Variants in MAGI1 observed in about 807,000 individuals in gnomAD.
MAGI1 encodes membrane associated guanylate kinase, WW and PDZ domain containing 1, also known as membrane-associated guanylate kinase, WW and PDZ domain-containing protein 1.
Under a neutral mutation model 139.9 loss-of-function variants are expected in MAGI1, and 58 were observed. That is an observed-to-expected ratio of 0.41 (90% confidence interval 0.34 to 0.52). The LOEUF (loss-of-function observed/expected upper bound fraction) is 0.52, where lower values mean the gene tolerates loss of function less well. Among genes scored for constraint, MAGI1 ranks in the 20% least tolerant of loss-of-function variants. The probability of loss-of-function intolerance (pLI) is 0.12; values close to 1 mark genes in which losing one functional copy is unlikely to be tolerated. For missense variants in MAGI1, 1,874 were observed against 1,901.6 expected, an observed-to-expected ratio of 0.99 and a Z score of 0.27; for synonymous variants, 812 against 737.9, an observed-to-expected ratio of 1.10 and a Z score of -1.63.
chr3:65,658,045 T>C (rs945491842), intron 1 of MAGI1, among the ~76,000 whole-genome samples: 3 of 152,192 alleles, frequency 2.0e-5, no homozygotes, highest in African/African-American at 7.2e-5. Context: ...AGGTTTAATG[T>C]TAATTTAATA....
chr3:65,925,251 A>G (rs1439948420), intron 1 of MAGI1: 2 of 152,216 alleles, frequency 1.3e-5, no homozygotes. Flanking sequence ...TTGTCCTTGA[A>G]ATTTCCTTTG....
At chr3:65,723,009 C>T (rs1445541136) in intron 1 of MAGI1, among the ~76,000 whole-genome samples, 4 of 151,648 alleles carry the variant, frequency 2.6e-5, no homozygotes, top group Admixed American at 2.6e-4. Flanking sequence ...ATTTGGAGCT[C>T]AAAGATCACT....
In MAGI1 at chr3:65,437,260, AAAG is replaced by A; in HGVS notation, c.1271-16_1271-14del. The A allele has an allele frequency of 6.4e-7, 1 of 1,565,844 alleles. No homozygotes were observed. The highest frequency in any genetic ancestry group is 1.1e-5 in the South Asian group (1 of 88,734). On this transcript the variant is annotated splice_polypyrimidine_tract_variant and intron_variant, in intron 9 of 22. Transcript: ENST00000402939. Reference sequence around the variant, plus strand: ...TCTTCTGTCCATTCTATGAAAAAGAAAAGAAAGTTTCCTATTTTTCCTTCAAAT... The same window carrying A: ...TCTTCTGTCCATTCTATGAAAAAGAAAAAGTTTCCTATTTTTCCTTCAAAT...
At chr3:65,465,339 GTT>G (rs935818788) in intron 5 of MAGI1, among the ~76,000 whole-genome samples, 1 of 142,150 alleles carries the variant, frequency 7.0e-6, no homozygotes. Flanking sequence ...TTTGTTGGTT[GTT>G]TTTTTTTTTA....
chr3:65,757,341 A>C (rs1292297089), intron 1 of MAGI1, among the ~76,000 whole-genome samples: 1 of 152,222 alleles, frequency 6.6e-6, no homozygotes, highest in Non-Finnish European at 1.5e-5. Context: ...TTTTTCAAAA[A>C]TGTACCATAA....
At chr3:65,641,490 C>T (rs922599368) in intron 1 of MAGI1, among the ~76,000 whole-genome samples, 8 of 152,298 alleles carry the variant, frequency 5.3e-5, no homozygotes, top group African/African-American at 1.9e-4. Context: ...TAGCCTACTT[C>T]TCAGACTGTG....
chr3:65,989,547 A>G (rs534946775), intron 1 of MAGI1, among the ~76,000 whole-genome samples: 14 of 152,240 alleles, frequency 9.2e-5, no homozygotes, highest in Non-Finnish European at 1.9e-4. Flanking sequence ...TTATTTATTT[A>G]TCTATTTTGA....
intron 1 of MAGI1, among the ~76,000 whole-genome samples, chr3:65,962,163 C>T (rs1431520710): frequency 6.7e-6 from 1 of 149,578 alleles, no homozygotes; most frequent in Non-Finnish European, 1.5e-5. Context: ...CTCTCTGTCG[C>T]CCAGGCTGGA....
At chr3:65,895,652 T>C (rs922627527) in intron 1 of MAGI1, among the ~76,000 whole-genome samples, 5 of 152,256 alleles carry the variant, frequency 3.3e-5, no homozygotes, top group Non-Finnish European at 7.3e-5. Flanking sequence ...TATAGTTTCA[T>C]GTGCCAAGTG....
intron 12 of MAGI1, among the ~76,000 whole-genome samples, chr3:65,407,573 T>C (rs1455213220): frequency 6.6e-6 from 1 of 151,456 alleles, no homozygotes; most frequent in Admixed American, 6.6e-5. Flanking sequence ...GAATATTCAG[T>C]GATTGGGGGA....
At chr3:65,549,514 G>T in intron 2 of MAGI1, 5 of 984,198 alleles carry the variant, frequency 5.1e-6, no homozygotes, top group Non-Finnish European at 6.0e-6. Context: ...CGGCCCGGCG[G>T]CAGCTGCTCC....
At chr3:65,426,344 A>C (rs979708337) in intron 12 of MAGI1, among the ~76,000 whole-genome samples, 1 of 152,224 alleles carries the variant, frequency 6.6e-6, no homozygotes, top group South Asian at 2.1e-4. Flanking sequence ...ACTAAAAATG[A>C]AATGTATTAG....
intron 22 of MAGI1, chr3:65,359,012 G>C: frequency 6.7e-7 from 1 of 1,493,232 alleles, no homozygotes; most frequent in Non-Finnish European, 9.3e-7. Context: ...CAGAAGCAAT[G>C]AGGAAATTAG....
At chr3:65,640,353 C>T (rs537469630) in intron 1 of MAGI1, among the ~76,000 whole-genome samples, 2 of 152,238 alleles carry the variant, frequency 1.3e-5, no homozygotes, top group African/African-American at 4.8e-5. Context: ...TCTAATACAT[C>T]GGCTCTAATT....
At chr3:65,869,836 C>G (rs9837263) in intron 1 of MAGI1, among the ~76,000 whole-genome samples, 17,809 of 152,148 alleles carry the variant, frequency 0.12, 1,145 homozygotes, top group African/African-American at 0.15. Context: ...TCCTCACCTG[C>G]AATTAAGCGG....
chr3:65,839,873 G>C (rs953329321), intron 1 of MAGI1, among the ~76,000 whole-genome samples: 2 of 152,156 alleles, frequency 1.3e-5, no homozygotes, highest in African/African-American at 4.8e-5. Context: ...GCATCTTTAC[G>C]ACGTTGAGTC....
chr3:65,407,378 C>T (rs4688565), intron 12 of MAGI1, among the ~76,000 whole-genome samples: 45,545 of 149,714 alleles, frequency 0.3, 7,748 homozygotes, highest in South Asian at 0.44. Context: ...ACCTGGGAGG[C>T]GGAGGCTGCA....
chr3:65,773,495 T>C (rs1197383190), intron 1 of MAGI1, among the ~76,000 whole-genome samples: 1 of 152,120 alleles, frequency 6.6e-6, no homozygotes, highest in East Asian at 1.9e-4. Flanking sequence ...ATGGGGCCAC[T>C]GCACTCCAGC....
At chr3:65,535,207 T>A (rs2078906206) in intron 2 of MAGI1, among the ~76,000 whole-genome samples, 1 of 152,106 alleles carries the variant, frequency 6.6e-6, no homozygotes, top group Non-Finnish European at 1.5e-5. Flanking sequence ...AGAGTTCTAA[T>A]ACCAGCTCAT....
Sources: allele counts gnomAD v4.1 joint callset (sites outside exome capture counted in the v4.1 genomes callset), GRCh38; gene constraint gnomAD v4.1.1; transcripts MANE v1.5; gene names NCBI Gene and HGNC (gene_info 2026-07-23, HGNC 2026-07-21).